The following DNAH7 variants were observed in gnomAD, a reference collection of about 807,000 sequenced individuals.
The protein encoded by DNAH7 is dynein axonemal heavy chain 7, also known as axonemal beta dynein heavy chain 7.
A neutral mutation model predicts 444.6 loss-of-function variants in DNAH7; 397 were observed. The ratio of observed to expected loss-of-function variants is 0.89; its 90% CI spans 0.82 to 0.97. The LOEUF is 0.97. Among genes scored for constraint, DNAH7 ranks in the 50% least tolerant of loss-of-function variants. The pLI is 0.00. For synonymous variants in DNAH7, 1,636 were observed against 1,624.4 expected, an observed-to-expected ratio of 1.01 and a Z score of -0.17; for missense variants, 4,902 against 4,800.8, an observed-to-expected ratio of 1.02 and a Z score of -0.62.
chr2:195,870,191 G>A (rs960117578), intron 40 of DNAH7, among the ~76,000 whole-genome samples: 12 of 152,080 alleles, frequency 7.9e-5, no homozygotes, highest in African/African-American at 2.4e-4. Context: ...GAAAACCAGC[G>A]CATAAATATA....
intron 29 of DNAH7, 56 bp from the exon 30 acceptor site, chr2:195,895,280 T>C (rs932007308): frequency 2.5e-6 from 3 of 1,194,448 alleles, no homozygotes; most frequent in African/African-American, 1.6e-5. Context: ...TAAATACAAA[T>C]ATTTTGTATT....
intron 15 of DNAH7, among the ~76,000 whole-genome samples, chr2:195,976,091 C>T (rs367844759): frequency 7.2e-5 from 11 of 152,260 alleles, no homozygotes; most frequent in East Asian, 5.8e-4. Context: ...CCTTGCAGCT[C>T]GGCCACAGTG....
chr2:196,048,825 T>C (rs1411950570), intron 3 of DNAH7, among the ~76,000 whole-genome samples: 1 of 152,304 alleles, frequency 6.6e-6, no homozygotes, highest in Non-Finnish European at 1.5e-5. Flanking sequence ...TGTATTCCAT[T>C]GTTTCAGGCA....
intron 5 of DNAH7, among the ~76,000 whole-genome samples, chr2:196,028,403 T>C (rs1695825549): frequency 6.6e-6 from 1 of 152,186 alleles, no homozygotes; most frequent in South Asian, 2.1e-4. Flanking sequence ...TTTATAGATA[T>C]GAGTTTTAAA....
At chr2:195,852,947 GAC>G (rs1441251566) in intron 46 of DNAH7, among the ~76,000 whole-genome samples, 5,296 of 146,604 alleles carry the variant, frequency 0.036, 101 homozygotes, top group Middle Eastern at 0.052. Flanking sequence ...GAGAGAGAGA[GAC>G]AGAGTTCTGA....
At chr2:195,920,178 C>T (rs1472881644) in intron 24 of DNAH7, among the ~76,000 whole-genome samples, 1 of 152,028 alleles carries the variant, frequency 6.6e-6, no homozygotes, top group Non-Finnish European at 1.5e-5. Context: ...ATCAAAATGC[C>T]ATGGTCATAC....
At chr2:195,975,608 T>C (rs1692137772) in intron 15 of DNAH7, among the ~76,000 whole-genome samples, 1 of 152,024 alleles carries the variant, frequency 6.6e-6, no homozygotes, top group Admixed American at 6.5e-5. Flanking sequence ...GGTTGTGCCA[T>C]CCCTCCCCCA....
intron 19 of DNAH7, among the ~76,000 whole-genome samples, chr2:195,952,525 C>T (rs2125489066): frequency 6.6e-6 from 1 of 152,248 alleles, no homozygotes; most frequent in Non-Finnish European, 1.5e-5. Flanking sequence ...AGAGTGTTTT[C>T]CAGCTTGGTT....
At chr2:195,977,169 C>A (rs542296051) in intron 15 of DNAH7, among the ~76,000 whole-genome samples, 91 of 152,176 alleles carry the variant, frequency 6.0e-4, no homozygotes, top group Non-Finnish European at 1.1e-3. Flanking sequence ...AAGAGATAAA[C>A]CCAAAGAGAT....
intron 55 of DNAH7, among the ~76,000 whole-genome samples, chr2:195,798,842 G>T (rs535131656): frequency 4.6e-5 from 7 of 151,990 alleles, no homozygotes; most frequent in Non-Finnish European, 7.4e-5. Context: ...CACCGTGCCT[G>T]GCCAGAACAT....
chr2:196,026,778 T>G lies in DNAH7; in HGVS notation c.649A>C (p.Ser217Arg). 6.2e-7 allele frequency: 1 copy of G among 1,610,564 alleles called. No homozygotes were observed. Among genetic ancestry groups the G allele is most frequent in the Non-Finnish European group, 8.5e-7 (1 of 1,177,734 alleles). Residue 217 changes from serine (S) to arginine (R), a missense_variant, in exon 7 of 65, where the codon AGT becomes CGT. By Grantham distance (110) the Ser-to-Arg change is moderately radical. Coordinates refer to ENST00000312428, the MANE Select transcript of DNAH7 (RefSeq NM_018897.3). ...SDEMREDYLL[S>R]VRKSIVDFVL... is the part of the protein sequence containing the mutation. ...AATTTACCTATGGATTTCCTTACACTAAGAAGATAATCCTCTCTCATTTCA... is the reference window on the plus strand; with the variant it reads ...AATTTACCTATGGATTTCCTTACACGAAGAAGATAATCCTCTCTCATTTCA...
At chr2:195,924,281 A>T (rs1688199891) in intron 22 of DNAH7, among the ~76,000 whole-genome samples, 1 of 152,180 alleles carries the variant, frequency 6.6e-6, no homozygotes, top group African/African-American at 2.4e-5. Context: ...ACCAGAGCCA[A>T]GAGAGATAGA....
intron 10 of DNAH7, among the ~76,000 whole-genome samples, chr2:196,009,391 C>T (rs533102518): frequency 3.9e-5 from 6 of 152,010 alleles, no homozygotes; most frequent in East Asian, 3.9e-4. Flanking sequence ...CATTGGGTAC[C>T]GCTGGAAGCA....
chr2:195,926,520 T>A lies in DNAH7; in HGVS notation c.3518A>T (p.Asn1173Ile). Reference sequence around the variant, plus strand: ...CTGTCCAGGCCAATCCCTTACCCAGTTAATTCGTTCATATTTTGTATAGGC... The same window carrying A: ...CTGTCCAGGCCAATCCCTTACCCAGATAATTCGTTCATATTTTGTATAGGC... ...TFAYTKYERI[N>I]WVRDWPGQTV... The change falls in exon 22 of 65, where the codon AAC becomes ATC. Residue 1173 changes from asparagine to isoleucine, a missense_variant. Coordinates refer to ENST00000312428, the MANE Select transcript of DNAH7 (RefSeq NM_018897.3). 1 of 1,603,026 alleles carries A rather than the reference T, an allele frequency of 6.2e-7. No homozygotes were observed. The highest frequency in any genetic ancestry group is 1.1e-5 in the South Asian group (1 of 89,112).
In DNAH7 at chr2:196,019,269, C is replaced by T. The variant is rs775673017; in HGVS notation, c.770G>A (p.Arg257Lys). 1.3e-5 allele frequency: 19 copies of T among 1,498,658 alleles called. No homozygotes were observed. The highest frequency in any genetic ancestry group is 1.8e-4 in the Middle Eastern group (1 of 5,590). 92.8% of individuals were successfully genotyped at this position (1,498,658 alleles called of 1,614,324 possible). Residue 257 changes from arginine to lysine, a missense_variant, in exon 9 of 65, where the codon AGG (arginine) becomes AAG (lysine). By Grantham distance (26) the Arg-to-Lys change is conservative (BLOSUM62 2). Coordinates refer to ENST00000312428, the MANE Select transcript of DNAH7 (RefSeq NM_018897.3). The stretch of plus-strand genomic sequence containing the variant: ...ACTGCTTGCAGCTAAAAAAGATTTC[C>T]TCCAAGGTTTTGGCAGAATTTCCAT... ...AEMEILPKPWRKSFLAASSYI... is the reference protein window; with the variant it reads ...AEMEILPKPWKKSFLAASSYI...
intron 14 of DNAH7, among the ~76,000 whole-genome samples, chr2:195,986,864 C>A (rs920646062): frequency 6.6e-6 from 1 of 152,060 alleles, no homozygotes; most frequent in Non-Finnish European, 1.5e-5. Flanking sequence ...ATTGGGGAGG[C>A]ACATTTGTGG....
At chr2:195,978,314 AT>A (rs1692337576) in intron 15 of DNAH7, among the ~76,000 whole-genome samples, 1 of 152,098 alleles carries the variant, frequency 6.6e-6, no homozygotes, top group Non-Finnish European at 1.5e-5. Context: ...TGTTTATGCA[AT>A]CAGTGTTGTC....
At chr2:195,787,366 T>C (rs973557314) in intron 57 of DNAH7, among the ~76,000 whole-genome samples, 195 bp from the exon 58 acceptor site, 5 of 152,204 alleles carry the variant, frequency 3.3e-5, no homozygotes, top group Admixed American at 3.3e-4. Flanking sequence ...TGTGTATATG[T>C]TCACATAGCT....
chr2:195,742,198 G>T (rs372801944), intron 63 of DNAH7, among the ~76,000 whole-genome samples: 2 of 152,152 alleles, frequency 1.3e-5, no homozygotes, highest in South Asian at 2.1e-4. Flanking sequence ...CACATTCTGC[G>T]TCTTTACCTC....
Sources: gnomAD v4.1 joint callset for allele counts (sites outside exome capture counted in the v4.1 genomes callset) on GRCh38, gnomAD v4.1.1 for gene constraint, MANE v1.5 for transcripts, NCBI Gene and HGNC (gene_info 2026-07-23, HGNC 2026-07-21) for gene names.